ZNF407: variants seen among roughly 807,000 people sequenced by gnomAD.
ZNF407 encodes the protein zinc finger protein 407.
A neutral mutation model predicts 131.2 loss-of-function variants in ZNF407; 17 were observed. That is an observed-to-expected ratio of 0.13 (90% CI 0.09 to 0.19). The LOEUF is 0.19. Among genes scored for constraint, ZNF407 ranks in the 10% least tolerant of loss-of-function variants. The pLI is 1.00. For missense variants in ZNF407, 2,681 were observed against 2,830.6 expected (o/e 0.95, Z 1.20); for synonymous variants, 1,156 against 1,062.0 (o/e 1.09, Z -1.72).
chr18:74,878,336 T>G (rs2145181664), intron 5 of ZNF407, among the ~76,000 whole-genome samples: 1 of 152,282 alleles, frequency 6.6e-6, no homozygotes, highest in South Asian at 2.1e-4. Context: ...GTTCTTCTGA[T>G]TGCCAAGAAT....
At chr18:74,682,377 C>T (rs183810731) in intron 3 of ZNF407, among the ~76,000 whole-genome samples, 1 of 152,260 alleles carries the variant, frequency 6.6e-6, no homozygotes, top group Admixed American at 6.5e-5. Flanking sequence ...CAGGATTGTC[C>T]TCCCTTTTTT....
intron 3 of ZNF407, among the ~76,000 whole-genome samples, chr18:74,764,398 T>C (rs776572803): frequency 6.6e-6 from 1 of 152,224 alleles, no homozygotes; most frequent in Non-Finnish European, 1.5e-5. Context: ...TCATGTGTTT[T>C]ATTTCTAGAC....
intron 8 of ZNF407, among the ~76,000 whole-genome samples, chr18:74,990,770 G>A (rs1329288648): frequency 1.3e-5 from 2 of 152,198 alleles, no homozygotes; most frequent in African/African-American, 4.8e-5. Context: ...TGATGTATAT[G>A]GGTGGGATTT....
At chr18:74,792,064 T>G (rs1180125177) in intron 4 of ZNF407, among the ~76,000 whole-genome samples, 1 of 152,238 alleles carries the variant, frequency 6.6e-6, no homozygotes, top group African/African-American at 2.4e-5. Context: ...CCTGTGACGC[T>G]GTGGACAACA....
chr18:74,873,814 G>A (rs967782380), intron 4 of ZNF407, among the ~76,000 whole-genome samples: 1 of 152,092 alleles, frequency 6.6e-6, no homozygotes, highest in Admixed American at 6.6e-5. Context: ...CTTATTCCAA[G>A]TTTAGCATAA....
At chr18:74,917,658 C>G (rs1373901679) in intron 7 of ZNF407, among the ~76,000 whole-genome samples, 1 of 152,126 alleles carries the variant, frequency 6.6e-6, no homozygotes, top group African/African-American at 2.4e-5. Flanking sequence ...TTCTTGAAAA[C>G]AAAATAATCT....
rs766388177 is a variant in ZNF407, at chr18:74,635,560, G to A, written c.4541G>A (p.Arg1514Gln). The change falls in exon 2 of 9, where the codon CGG becomes CAG. Residue 1514 changes from arginine to glutamine, a missense_variant. Physicochemically the swap from Arg to Gln is conservative, Grantham distance 43 (BLOSUM62 1). Coordinates refer to ENST00000299687, the MANE Select transcript of ZNF407 (RefSeq NM_017757.3). This position sits in a 1 kb window ranked among gnomAD's most constrained non-coding sequence, Gnocchi z 4.7. Reference sequence around the variant, plus strand: ...AAAGGACAGCATGAGGAATTGCTGCGGGAGGTGAATAAGTATATAGTGGAA... The same window carrying A: ...AAAGGACAGCATGAGGAATTGCTGCAGGAGGTGAATAAGTATATAGTGGAA... Reference protein sequence around the residue: ...HIKGQHEELLREVNKYIVEDT... With the variant: ...HIKGQHEELLQEVNKYIVEDT... The A allele has an allele frequency of 1.2e-5, 20 of 1,613,674 alleles. No homozygotes were observed. The highest frequency in any genetic ancestry group is 2.2e-5 in the South Asian group (2 of 91,060).
At position 74,609,633 on chromosome 18, in the gene ZNF407, A is replaced by G. The variant is rs576326683; in HGVS notation, c.-54+11696A>G. On this transcript the variant is annotated intron_variant, in intron 1 of 8. Coordinates refer to ENST00000299687, the MANE Select transcript of ZNF407 (RefSeq NM_017757.3). ...AGAATGCGAAGGCCTAGGAGATTACACTTTTGTATAACTGGCAGTGTAGTA... is the reference window on the plus strand; with the variant it reads ...AGAATGCGAAGGCCTAGGAGATTACGCTTTTGTATAACTGGCAGTGTAGTA... 7.2e-5 allele frequency among the ~76,000 whole-genome samples: 11 copies of G among 152,322 alleles called. No homozygotes were observed. The East Asian group carries it at 2.1e-3, about 29-fold the overall frequency.
At position 74,631,528 on chromosome 18, in the gene ZNF407, C is replaced by T. The variant is rs758832550; in HGVS notation, c.509C>T (p.Pro170Leu). Residue 170 changes from proline to leucine, a missense_variant, in exon 2 of 9, where the codon CCG becomes CTG. Around this residue, in one of 6 missense-constraint regions of ZNF407, gnomAD observed 1,789 missense variants for 1,748.7 expected, o/e 1.02. Transcript: ENST00000299687. ...LDLERESPFP[P>L]KEISVSCTIG... ...CTGGAAAGAGAATCTCCTTTCCCCC[C>T]GAAAGAAATTAGTGTTAGTTGTACC... is the stretch of plus-strand genomic sequence containing the variant. 1.5e-5 allele frequency: 24 copies of T among 1,613,672 alleles called. No individual in the cohort carries two copies. Among genetic ancestry groups the T allele is most frequent in the African/African-American group, 9.3e-5 (7 of 74,912 alleles).
At chr18:74,694,080 T>C (rs1967294418) in intron 3 of ZNF407, among the ~76,000 whole-genome samples, 1 of 152,242 alleles carries the variant, frequency 6.6e-6, no homozygotes, top group Non-Finnish European at 1.5e-5. Context: ...TCTCTAGTAG[T>C]TATTGACTGG....
intron 4 of ZNF407, among the ~76,000 whole-genome samples, chr18:74,843,025 T>G (rs1970655615): frequency 6.6e-6 from 1 of 152,202 alleles, no homozygotes; most frequent in African/African-American, 2.4e-5. Context: ...CCTTCTGTGT[T>G]ATTTAATACT....
intron 8 of ZNF407, among the ~76,000 whole-genome samples, chr18:75,024,428 A>G (rs1973148224): frequency 1.3e-5 from 2 of 152,242 alleles, no homozygotes; most frequent in African/African-American, 4.8e-5. Flanking sequence ...CTGTTAAGAC[A>G]GGGAAATAAT....
At chr18:74,967,247 A>G (rs1972419978) in intron 8 of ZNF407, among the ~76,000 whole-genome samples, 1 of 152,156 alleles carries the variant, frequency 6.6e-6, no homozygotes, top group Admixed American at 6.6e-5. Flanking sequence ...TAACACGAAA[A>G]AAGAAAGAAA....
rs573192014 is a variant in ZNF407 at position 74,899,828 on chromosome 18, C to A, written c.5249+9790C>A. ...TGGGTCTCAGATTCTCTTGGGAAGA[C>A]CCGTTTTAGTACAGTAGTGAGAACA... On this transcript the variant is annotated intron_variant, in intron 7 of 8. Transcript: ENST00000299687. 3.9e-5 allele frequency among the ~76,000 whole-genome samples: 6 copies of A among 152,250 alleles called. No homozygotes were observed. The South Asian group carries it at 1.0e-3, about 26-fold the overall frequency.
chr18:74,927,122 CTT>C (rs1450610232), intron 8 of ZNF407, among the ~76,000 whole-genome samples: 4 of 152,216 alleles, frequency 2.6e-5, no homozygotes, highest in African/African-American at 9.6e-5. Flanking sequence ...CTGTGCCAAA[CTT>C]TTCTCTACAC....
At chr18:74,792,796 AC>A (rs1969850375) in intron 4 of ZNF407, among the ~76,000 whole-genome samples, 1 of 152,310 alleles carries the variant, frequency 6.6e-6, no homozygotes, top group African/African-American at 2.4e-5. Context: ...TTTAAAACTT[AC>A]GTGGAACATA....
intron 3 of ZNF407, among the ~76,000 whole-genome samples, chr18:74,757,467 T>G (rs889775690): frequency 6.6e-6 from 1 of 152,112 alleles, no homozygotes; most frequent in African/African-American, 2.4e-5. Context: ...AATTTCCTTT[T>G]GTTATTTGAC....
At chr18:75,000,593 T>C (rs569244779) in intron 8 of ZNF407, among the ~76,000 whole-genome samples, 29 of 152,332 alleles carry the variant, frequency 1.9e-4, no homozygotes, top group Admixed American at 3.9e-4. Flanking sequence ...TCTCTTCAGA[T>C]GGCTAAAGCA....
chr18:74,772,776 G>T (rs1969387991), intron 3 of ZNF407, among the ~76,000 whole-genome samples: 1 of 152,144 alleles, frequency 6.6e-6, no homozygotes. Context: ...TTTATAGGAA[G>T]GTGTGTCACG....
Sources: allele counts gnomAD v4.1 joint callset (sites outside exome capture counted in the v4.1 genomes callset), GRCh38; gene constraint gnomAD v4.1.1; regional missense constraint gnomAD v4.1.1; non-coding constraint Gnocchi (gnomAD v3.1); transcripts MANE v1.5; gene names NCBI Gene and HGNC (gene_info 2026-07-23, HGNC 2026-07-21).